The following PNMA6E variants were observed in gnomAD, a reference collection of about 807,000 sequenced individuals.
PNMA6E encodes paraneoplastic antigen Ma6E.
For missense variants in PNMA6E, 78 were observed against 50.8 expected (o/e 1.53, Z -1.63); for synonymous variants, 43 against 17.1 (o/e 2.52, Z -3.74).
chrX:153,401,808 T>C (rs1556971429), upstream of PNMA6E, among the ~76,000 whole-genome samples: 1 of 108,475 alleles, frequency 9.2e-6, no homozygotes, highest in African/African-American at 3.4e-5. Flanking sequence ...TTTTTTAGAC[T>C]GAGTCTTGTT....
Position 153,397,339 on chromosome X carries a change from C to A in PNMA6E, c.1511G>T (p.Gly504Val). The A allele has an allele frequency of 1.0e-5, 3 of 298,168 alleles. No individual in the cohort carries two copies. Among genetic ancestry groups the A allele is most frequent in the Non-Finnish European group, 1.8e-5 (3 of 170,411 alleles). The allele number at this position is 298,168 out of a possible 1,213,427, so 24.6% of individuals were successfully genotyped here. A position where few individuals can be genotyped will look rare whatever the true frequency, so the allele number is the denominator to read the frequency against. The change falls in exon 2 of 2, where the codon GGT becomes GTT. Residue 504 changes from glycine to valine, a missense_variant. Transcript: ENST00000445091. ...WAAFPARSQQ[G>V]VAWAAAPVES... The stretch of plus-strand genomic sequence containing the variant: ...CACTGGGGCCGCTGCCCAGGCCACA[C>A]CCTGCTGGCTCCTCGCTGGGAAGGC...
chrX:153,407,927 C>T, the PNMA6E span, among the ~76,000 whole-genome samples: 11 of 112,725 alleles, frequency 9.8e-5, no homozygotes, highest in Admixed American at 1.9e-4. Context: ...GTGATCCCAG[C>T]GGACACTGAC....
chrX:153,408,006 G>A, the PNMA6E span, among the ~76,000 whole-genome samples: 1 of 112,858 alleles, frequency 8.9e-6, no homozygotes, highest in African/African-American at 3.2e-5. Flanking sequence ...AAGAGGCTGG[G>A]GCCTGGGTGA....
the PNMA6E span, among the ~76,000 whole-genome samples, chrX:153,406,943 G>C: frequency 8.9e-6 from 1 of 112,309 alleles, no homozygotes; most frequent in African/African-American, 3.2e-5. Context: ...GAGGTGGAGG[G>C]TGGGCAAGGG....
At position 153,398,801 on chromosome X, in the gene PNMA6E, C is replaced by T. The variant is rs991209116; in HGVS notation, c.49G>A (p.Ala17Thr). ...RDWCRWMGAN[A>T]ERSLLILGIP... is the part of the protein sequence containing the mutation. ...CCCAGGATGAGCAGGGAGCGCTCTG[C>T]GTTCGCACCCATCCACCTGCACCAG... is the stretch of plus-strand genomic sequence containing the variant. The change falls in exon 2 of 2, where the codon GCA becomes ACA. Residue 17 changes from alanine to threonine, a missense_variant. Transcript: ENST00000445091. 4.0e-5 allele frequency: 12 copies of T among 300,635 alleles called. No individual in the cohort carries two copies. Among genetic ancestry groups the T allele is most frequent in the Non-Finnish European group, 6.9e-5 (12 of 172,671 alleles). 24.8% of individuals were successfully genotyped at this position (300,635 alleles called of 1,213,427 possible). A position where few individuals can be genotyped will look rare whatever the true frequency, so the allele number is the denominator to read the frequency against.
rs953376675 is a variant in PNMA6E at position 153,396,939 on chromosome X, G to A, written c.1911C>T (p.Asp637=). Residue 637 remains aspartate (D), a synonymous_variant, in exon 2 of 2, where the codon GAC becomes GAT. Coordinates refer to ENST00000445091, the MANE Select transcript of PNMA6E (RefSeq NM_001367770.1). The part of the protein sequence containing the change: ...PENEDEDGAG[D]EGQPKSSQGK ...CCTGGGAGGACTTGGGCTGGCCCTC[G>A]TCCCCGGCCCCATCCTCATCCTCGT... The A allele has an allele frequency of 3.0e-4, 89 of 296,387 alleles. No individual in the cohort carries two copies. The highest frequency in any genetic ancestry group is 2.4e-3 in the East Asian group (50 of 20,953). 24.4% of individuals were successfully genotyped at this position (296,387 alleles called of 1,213,427 possible).
the PNMA6E span, among the ~76,000 whole-genome samples, chrX:153,411,706 A>G: frequency 8.9e-6 from 1 of 112,823 alleles, no homozygotes; most frequent in African/African-American, 3.2e-5. Flanking sequence ...GAGCCCAGGT[A>G]AGAGGGCCGA....
In PNMA6E at chrX:153,399,837, T is replaced by C. The variant is rs548574322; in HGVS notation, c.-71-917A>G. Reference sequence around the variant, plus strand: ...CGGCCATTGATTTTATGTTCTTTTTTTCTGTTATGAGCACTGAAAGCAAGA... The same window carrying C: ...CGGCCATTGATTTTATGTTCTTTTTCTCTGTTATGAGCACTGAAAGCAAGA... On this transcript the variant is annotated intron_variant, in intron 1 of 1. Coordinates refer to ENST00000445091, the MANE Select transcript of PNMA6E (RefSeq NM_001367770.1). 3.5e-4 allele frequency among the ~76,000 whole-genome samples: 39 copies of C among 112,212 alleles called. 2 individuals carry two copies. In the South Asian group the frequency reaches 0.013, roughly 36 times the overall value.
At chrX:153,399,112 A>G (rs1273790916) in intron 1 of PNMA6E, among the ~76,000 whole-genome samples, 192 bp from the exon 2 acceptor site, 1 of 112,290 alleles carries the variant, frequency 8.9e-6, no homozygotes, top group African/African-American at 3.2e-5. Flanking sequence ...CACATTTTCT[A>G]TGCTACTTGG....
chrX:153,398,485 C>T lies in PNMA6E; in HGVS notation c.365G>A (p.Gly122Asp). ...TGCCTCACCTGCGCCTCCTCCCTCA[C>T]CTGCAGCTTTTGCTACTGCTTGACC... ...PQGQAVAKAA[G>D]EGGGAGEAGG... Residue 122 changes from glycine (G) to aspartate (D), a missense_variant, in exon 2 of 2, where the codon GGT (glycine) becomes GAT (aspartate). Gly to Asp is a moderately conservative substitution (Grantham distance 94, BLOSUM62 -1). Coordinates refer to ENST00000445091, the MANE Select transcript of PNMA6E (RefSeq NM_001367770.1). 4.9e-6 allele frequency: 2 copies of T among 412,039 alleles called. No homozygotes were observed. The allele number at this position is 412,039 out of a possible 1,213,427, so 34.0% of individuals were successfully genotyped here.
At chrX:153,401,089 C>A (rs944167327) in intron 1 of PNMA6E, among the ~76,000 whole-genome samples, 155 bp downstream of exon 1, 1 of 107,061 alleles carries the variant, frequency 9.3e-6, no homozygotes, top group Non-Finnish European at 1.9e-5. Context: ...CCGGGCCAGG[C>A]GGGACCGCCG....
the PNMA6E span, among the ~76,000 whole-genome samples, chrX:153,409,768 G>A: frequency 2.3e-3 from 262 of 111,908 alleles, no homozygotes; most frequent in African/African-American, 8.0e-3. Flanking sequence ...ACTCCCAGGG[G>A]CCCCCTTCCC....
chrX:153,408,830 G>A, the PNMA6E span, among the ~76,000 whole-genome samples: 1 of 112,619 alleles, frequency 8.9e-6, no homozygotes, highest in South Asian at 3.6e-4. Flanking sequence ...CCCTCCAAGG[G>A]CACTCCAGCA....
upstream of PNMA6E, among the ~76,000 whole-genome samples, chrX:153,402,187 C>A (rs1602878427): frequency 1.8e-5 from 2 of 111,426 alleles, no homozygotes; most frequent in South Asian, 3.7e-4. Context: ...TGTGAAGATG[C>A]CGATTTCTGT....
At chrX:153,402,417 T>A (rs1413704825), upstream of PNMA6E, among the ~76,000 whole-genome samples, 1 of 111,443 alleles carries the variant, frequency 9.0e-6, no homozygotes, top group African/African-American at 3.3e-5. Flanking sequence ...CTACTTACAG[T>A]TTACATTGTA....
At chrX:153,400,472 C>G (rs1294841356) in intron 1 of PNMA6E, among the ~76,000 whole-genome samples, 4 of 112,324 alleles carry the variant, frequency 3.6e-5, no homozygotes, top group Non-Finnish European at 7.5e-5. Context: ...GCTGGCAGCA[C>G]TCCAGTCTAG....
chrX:153,402,040 G>T (rs1033118231), upstream of PNMA6E, among the ~76,000 whole-genome samples: 3 of 110,180 alleles, frequency 2.7e-5, no homozygotes, highest in African/African-American at 9.9e-5. Context: ...GACCAGGATG[G>T]TCTCCATCTC....
chrX:153,399,324 T>C (rs1452463320), intron 1 of PNMA6E, among the ~76,000 whole-genome samples: 2 of 110,351 alleles, frequency 1.8e-5, no homozygotes, highest in Non-Finnish European at 3.8e-5. Context: ...TGTGTGTGTG[T>C]GTGTGTGTGT....
At chrX:153,403,075 A>G (rs782639929), upstream of PNMA6E, among the ~76,000 whole-genome samples, 2 of 112,196 alleles carry the variant, frequency 1.8e-5, no homozygotes, top group Non-Finnish European at 3.8e-5. Context: ...AATTATGTCT[A>G]TCTCCAAATT....
Sources: allele counts gnomAD v4.1 joint callset (sites outside exome capture counted in the v4.1 genomes callset), GRCh38; gene constraint gnomAD v4.1.1; transcripts MANE v1.5; gene names NCBI Gene and HGNC (gene_info 2026-07-23, HGNC 2026-07-21).